SLC2A5: variants seen among roughly 807,000 people sequenced by gnomAD.
SLC2A5 encodes the protein solute carrier family 2, facilitated glucose transporter member 5.
In SLC2A5, 56 loss-of-function variants were observed where a neutral mutation model predicts 50.3. The ratio of observed to expected loss-of-function variants is 1.11; its 90% CI spans 0.90 to 1.39. SLC2A5 has a LOEUF of 1.39. Ranked by LOEUF, SLC2A5 falls within the 40% of genes most tolerant of loss-of-function variation. SLC2A5 has a pLI of 0.00. For synonymous variants in SLC2A5, 269 were observed against 281.9 expected, an observed-to-expected ratio of 0.95 and a Z score of 0.46; for missense variants, 566 against 650.1, an observed-to-expected ratio of 0.87 and a Z score of 1.41.
chr1:9,058,754 A>G (rs560833353), intron 1 of SLC2A5, among the ~76,000 whole-genome samples: 1 of 141,552 alleles, frequency 7.1e-6, no homozygotes, highest in South Asian at 2.4e-4. Flanking sequence ...AAACTCCCAG[A>G]AAATCAAAGA....
intron 4 of SLC2A5, among the ~76,000 whole-genome samples, chr1:9,046,400 A>G (rs1267573543): frequency 2.0e-5 from 3 of 152,196 alleles, no homozygotes; most frequent in Non-Finnish European, 4.4e-5. Context: ...CTTGGAAGCA[A>G]CAGAGTGGGA....
At chr1:9,061,123 A>G (rs1313009089) in intron 1 of SLC2A5, among the ~76,000 whole-genome samples, 1 of 151,542 alleles carries the variant, frequency 6.6e-6, no homozygotes, top group African/African-American at 2.4e-5. Flanking sequence ...CGTCTCTACT[A>G]AAAATTCAAA....
chr1:9,039,490 G>A lies in SLC2A5; in HGVS notation c.996+62C>T, dbSNP rs547880659. ...GGGCTGCCCTTTTGGCGGCGCCGAG[G>A]CTGGGGCGTGGGGCCCGAGGGGCCT... On this transcript the variant is annotated intron_variant, in intron 8 of 11. Coordinates refer to ENST00000377424, the MANE Select transcript of SLC2A5 (RefSeq NM_003039.3). The A allele has an allele frequency of 2.4e-6, 3 of 1,263,342 alleles. No individual in the cohort carries two copies. The East Asian group carries it at 8.8e-5, about 37-fold the overall frequency. The allele number at this position is 1,263,342 out of a possible 1,614,324, so 78.3% of individuals were successfully genotyped here. A position where few individuals can be genotyped will look rare whatever the true frequency, so the allele number is the denominator to read the frequency against.
upstream of SLC2A5, among the ~76,000 whole-genome samples, chr1:9,074,589 A>G (rs1426273765): frequency 6.6e-6 from 1 of 152,224 alleles, no homozygotes; most frequent in Admixed American, 6.5e-5. Context: ...AAGGAAAGAC[A>G]GCTCCTTGCA....
intron 1 of SLC2A5, among the ~76,000 whole-genome samples, chr1:9,061,862 G>A (rs1641953239): frequency 6.6e-6 from 1 of 152,210 alleles, no homozygotes; most frequent in Non-Finnish European, 1.5e-5. Context: ...TGGAGAGCCA[G>A]CTCCCTGACC....
At chr1:9,065,336 C>T (rs1226314515) in intron 1 of SLC2A5, among the ~76,000 whole-genome samples, 1 of 152,154 alleles carries the variant, frequency 6.6e-6, no homozygotes, top group Non-Finnish European at 1.5e-5. Flanking sequence ...GGGTACGATT[C>T]AAGGTCACTG....
intron 4 of SLC2A5, among the ~76,000 whole-genome samples, chr1:9,043,302 G>T (rs1446371526): frequency 6.6e-6 from 1 of 152,186 alleles, no homozygotes; most frequent in African/African-American, 2.4e-5. Flanking sequence ...ATGTTTTCCT[G>T]TTTGGCAATT....
chr1:9,091,314 T>G (rs959732534), upstream of SLC2A5, among the ~76,000 whole-genome samples: 2 of 152,206 alleles, frequency 1.3e-5, no homozygotes, highest in Non-Finnish European at 2.9e-5. Flanking sequence ...ATAGTTCTCA[T>G]AATCAGGCCC....
chr1:9,061,072 C>A (rs1237492231), intron 1 of SLC2A5, among the ~76,000 whole-genome samples: 1 of 151,692 alleles, frequency 6.6e-6, no homozygotes, highest in Non-Finnish European at 1.5e-5. Context: ...ACTGCTTGAG[C>A]CCAGGAGTTC....
chr1:9,052,348 A>T (rs1641601034), intron 3 of SLC2A5, among the ~76,000 whole-genome samples: 1 of 152,190 alleles, frequency 6.6e-6, no homozygotes, highest in Non-Finnish European at 1.5e-5. Flanking sequence ...ATTCTGGGAA[A>T]GGCAAACTAT....
chr1:9,051,985 A>G (rs1010023088), intron 3 of SLC2A5, among the ~76,000 whole-genome samples: 12 of 152,212 alleles, frequency 7.9e-5, no homozygotes, highest in Non-Finnish European at 7.3e-5. Flanking sequence ...AGTACATATT[A>G]GTAAAAGAGG....
At chr1:9,078,940 C>T (rs914348483) in intron 2 of SLC2A5, among the ~76,000 whole-genome samples, 1 of 152,186 alleles carries the variant, frequency 6.6e-6, no homozygotes, top group Non-Finnish European at 1.5e-5. Context: ...AGTGCCCTTG[C>T]TTTGCTTTTG....
chr1:9,041,703 T>C (rs1203364822), intron 5 of SLC2A5, 82 bp downstream of exon 5: 5 of 1,611,670 alleles, frequency 3.1e-6, no homozygotes, highest in Non-Finnish European at 8.5e-7. Flanking sequence ...TCCTGTCCTG[T>C]GGTGGTGGCT....
In SLC2A5 at chr1:9,057,567, G is replaced by A. The variant is rs144426243; in HGVS notation, c.174C>T (p.Thr58=). 141 of 1,613,392 alleles carry A rather than the reference G, an allele frequency of 8.7e-5. No individual in the cohort carries two copies. The highest frequency in any genetic ancestry group is 1.7e-4 in the Middle Eastern group (1 of 6,060). ...QFYNETYYGR[T]GEFMEDFPLT... ...AGGGGAAGTCTTCCATGAATTCACC[G>A]GTCCTACCATAGTAAGTCTCATTGT... is the stretch of plus-strand genomic sequence containing the variant. The change falls in exon 3 of 12, where the codon ACC becomes ACT. Residue 58 remains threonine, a synonymous_variant. Transcript: ENST00000377424.
intron 3 of SLC2A5, among the ~76,000 whole-genome samples, chr1:9,053,056 T>A (rs1453927944): frequency 1.1e-5 from 1 of 95,100 alleles, no homozygotes; most frequent in East Asian, 2.4e-4. Context: ...TATTAATATA[T>A]AATATATATT....
At chr1:9,079,086 A>G (rs958339750) in intron 2 of SLC2A5, among the ~76,000 whole-genome samples, 7 of 152,100 alleles carry the variant, frequency 4.6e-5, no homozygotes, top group Non-Finnish European at 8.8e-5. Context: ...CACCTTGGGC[A>G]TGCCACCTGG....
Position 9,039,860 on chromosome 1 carries a change from G to A in SLC2A5, c.825C>T (p.Arg275=). The change falls in exon 7 of 12, where the codon CGC becomes CGT. Residue 275 remains arginine, a synonymous_variant. Coordinates refer to ENST00000377424, the MANE Select transcript of SLC2A5 (RefSeq NM_003039.3). Reference sequence around the variant, plus strand: ...GGACGATGATGGACAGCAGCTGCCAGCGCAGCGAGCGCATCCGGAACAGCT... The same window carrying A: ...GGACGATGATGGACAGCAGCTGCCAACGCAGCGAGCGCATCCGGAACAGCT... The part of the protein sequence containing the change: ...VLKLFRMRSL[R]WQLLSIIVLM... 1.9e-6 allele frequency: 3 copies of A among 1,611,778 alleles called. No individual in the cohort carries two copies. Among genetic ancestry groups the A allele is most frequent in the Non-Finnish European group, 2.5e-6 (3 of 1,179,446 alleles).
intron 1 of SLC2A5, among the ~76,000 whole-genome samples, chr1:9,060,060 A>G (rs1188539427): frequency 7.2e-6 from 1 of 139,160 alleles, no homozygotes; most frequent in Non-Finnish European, 1.6e-5. Context: ...CCACACACAC[A>G]CAATACACAC....
intron 2 of SLC2A5, among the ~76,000 whole-genome samples, chr1:9,075,862 T>C (rs942697261): frequency 6.6e-6 from 1 of 152,156 alleles, no homozygotes; most frequent in African/African-American, 2.4e-5. Flanking sequence ...GGTTTCACCA[T>C]GTTGGTCAAG....
Sources: gnomAD v4.1 joint callset for allele counts (sites outside exome capture counted in the v4.1 genomes callset) on GRCh38, gnomAD v4.1.1 for gene constraint, MANE v1.5 for transcripts, NCBI Gene and HGNC (gene_info 2026-07-23, HGNC 2026-07-21) for gene names.